The following NCAPD3 variants were observed in gnomAD, a reference collection of about 807,000 sequenced individuals.
The protein encoded by NCAPD3 is non-SMC condensin II complex subunit D3.
Under a neutral mutation model 182.9 loss-of-function variants are expected in NCAPD3, and 105 were observed. That is an observed-to-expected ratio of 0.57 (90% CI 0.49 to 0.68). The LOEUF (loss-of-function observed/expected upper bound fraction) is 0.68, where lower values mean the gene tolerates loss of function less well. Ranked by LOEUF, NCAPD3 falls within the 30% of genes least tolerant of loss-of-function variation. The pLI is 0.00. For synonymous variants in NCAPD3, 815 were observed against 679.9 expected (o/e 1.20, Z -3.09); for missense variants, 1,944 against 1,837.0 (o/e 1.06, Z -1.07).
chr11:134,205,668 C>T (rs992200936), intron 8 of NCAPD3, among the ~76,000 whole-genome samples: 11 of 152,142 alleles, frequency 7.2e-5, no homozygotes, highest in African/African-American at 1.4e-4. Context: ...TGTGCCACCG[C>T]GCCCCGCCTC....
chr11:134,187,022 A>T (rs1410687993), intron 16 of NCAPD3, among the ~76,000 whole-genome samples: 1 of 152,198 alleles, frequency 6.6e-6, no homozygotes, highest in African/African-American at 2.4e-5. Flanking sequence ...ATTGGGAAAA[A>T]ATCCTCTGAA....
intron 27 of NCAPD3, 40 bp downstream of exon 27, chr11:134,167,953 ACTC>A (rs1031087327): frequency 6.3e-7 from 1 of 1,579,456 alleles, no homozygotes; most frequent in African/African-American, 1.4e-5. Context: ...GGAGCAGCAC[ACTC>A]ACTTGTGAGA....
At chr11:134,184,844 C>CACAT in intron 18 of NCAPD3, 59 bp downstream of exon 18, 1 of 1,318,094 alleles carries the variant, frequency 7.6e-7, no homozygotes, top group Non-Finnish European at 1.1e-6. Flanking sequence ...CACACACACA[C>CACAT]ACACACCTGA....
intron 24 of NCAPD3, among the ~76,000 whole-genome samples, chr11:134,172,473 C>G (rs1016568980): frequency 1.3e-5 from 2 of 152,188 alleles, no homozygotes; most frequent in Non-Finnish European, 2.9e-5. Flanking sequence ...TAGTCGCGTG[C>G]TTGCTTCCTT....
At chr11:134,160,671 C>T (rs764601441) in intron 28 of NCAPD3, among the ~76,000 whole-genome samples, 9 of 152,136 alleles carry the variant, frequency 5.9e-5, no homozygotes, top group Non-Finnish European at 1.2e-4. Flanking sequence ...AGGGGCAAGA[C>T]CACTTTGCTA....
chr11:134,215,314 T>G lies in NCAPD3; in HGVS notation c.382+1622A>C, dbSNP rs570616950. Among the ~76,000 whole-genome samples the G allele has an allele frequency of 2.6e-5, 4 of 151,714 alleles. No individual in the cohort carries two copies. The East Asian group carries it at 7.8e-4, about 29-fold the overall frequency. ...CTTCTATTCAACACTGTACTGGAGG[T>G]TCTAGCCAGGGCAAATAGGTAAGAA... On this transcript the variant is annotated intron_variant, in intron 3 of 34. Coordinates refer to ENST00000534548, the MANE Select transcript of NCAPD3 (RefSeq NM_015261.3).
At chr11:134,187,084 TC>T (rs1478879699) in intron 16 of NCAPD3, among the ~76,000 whole-genome samples, 1 of 152,036 alleles carries the variant, frequency 6.6e-6, no homozygotes, top group Non-Finnish European at 1.5e-5. Context: ...AGCCCTCCAC[TC>T]CCAGCCAGCC....
At position 134,181,135 on chromosome 11, in the gene NCAPD3, C is replaced by T. The variant is rs748105038; in HGVS notation, c.2501G>A (p.Arg834His). Reference protein sequence around the residue: ...CGDVLSTCEHRLSNIVLKENG... With the variant: ...CGDVLSTCEHHLSNIVLKENG... ...CTCCTTGAGAACGATGTTGGAGAGG[C>T]GGTGCTCGCAGGTGGAGAGTACATC... The change falls in exon 20 of 35, where the codon CGC becomes CAC. Residue 834 changes from arginine (R) to histidine (H), a missense_variant. By Grantham distance (29) the Arg-to-His change is conservative (BLOSUM62 0). Transcript: ENST00000534548. 26 of 1,614,010 alleles carry T rather than the reference C, an allele frequency of 1.6e-5. No individual in the cohort carries two copies. The highest frequency in any genetic ancestry group is 1.3e-4 in the South Asian group (12 of 91,082).
chr11:134,165,347 C>A (rs1006702131), intron 27 of NCAPD3, among the ~76,000 whole-genome samples: 1 of 149,108 alleles, frequency 6.7e-6, no homozygotes, highest in East Asian at 2.0e-4. Context: ...GGGGCACACT[C>A]ATGAGCTTGG....
At chr11:134,208,651 C>T (rs1453133119) in intron 7 of NCAPD3, among the ~76,000 whole-genome samples, 1 of 152,152 alleles carries the variant, frequency 6.6e-6, no homozygotes, top group Non-Finnish European at 1.5e-5. Context: ...TAATTTGCTG[C>T]AGCCACCAAG....
intron 4 of NCAPD3, 113 bp downstream of exon 4, chr11:134,210,157 G>T: frequency 2.3e-6 from 2 of 858,928 alleles, no homozygotes; most frequent in South Asian, 1.7e-5. Flanking sequence ...TGATGGTTTA[G>T]GACCATTTGC....
At chr11:134,161,145 G>C (rs1943566553) in intron 28 of NCAPD3, among the ~76,000 whole-genome samples, 1 of 151,968 alleles carries the variant, frequency 6.6e-6, no homozygotes, top group African/African-American at 2.4e-5. Context: ...TTTTGAGGAA[G>C]AAAAACACAT....
chr11:134,188,893 G>A (rs1169477520), intron 16 of NCAPD3, among the ~76,000 whole-genome samples: 2 of 152,200 alleles, frequency 1.3e-5, no homozygotes, highest in East Asian at 3.9e-4. Flanking sequence ...CACCAGGGAT[G>A]TGCATGAGGT....
chr11:134,194,986 GAATT>G (rs1458436756), intron 13 of NCAPD3, among the ~76,000 whole-genome samples: 3 of 152,148 alleles, frequency 2.0e-5, no homozygotes, highest in Non-Finnish European at 4.4e-5. Context: ...AATTGTGAAT[GAATT>G]ATTTATCTCT....
intron 22 of NCAPD3, 46 bp from the exon 23 acceptor site, chr11:134,177,503 AAT>A: frequency 2.0e-6 from 3 of 1,538,258 alleles, no homozygotes; most frequent in Non-Finnish European, 2.7e-6. Flanking sequence ...TCTAAATCCT[AAT>A]TCCATTCCTA....
At position 134,208,876 on chromosome 11, in the gene NCAPD3, T is replaced by TCC; in HGVS notation, c.868_869dup (p.Gly292LysfsTer16). 6.2e-7 allele frequency: 1 copy of TCC among 1,612,460 alleles called. No individual in the cohort carries two copies. The highest frequency in any genetic ancestry group is 8.5e-7 in the Non-Finnish European group (1 of 1,179,142). ...TCATCTCCTTTACCTTATCTCCTTC[T>TCC]CCATGAATGGGAGAGCACAGCAAAT... On this transcript the variant is annotated frameshift_variant, in exon 7 of 35. Transcript: ENST00000534548. LOFTEE classifies it high-confidence loss of function.
intron 21 of NCAPD3, 26 bp from the exon 22 acceptor site, chr11:134,178,767 C>G (rs766471601): frequency 6.2e-7 from 1 of 1,607,962 alleles, no homozygotes; most frequent in African/African-American, 1.3e-5. Flanking sequence ...AGAAAGTTAC[C>G]GACAGAACCT....
Position 134,194,742 on chromosome 11 carries a change from T to C in NCAPD3, c.1616-4A>G, listed in dbSNP as rs777823336. On this transcript the variant is annotated splice_polypyrimidine_tract_variant and splice_region_variant and intron_variant, in intron 13 of 34. Transcript: ENST00000534548. ...AGCATTGCCATGACACATCTTTCTGTAGAGGGAATACCAAAGGGTCATCAC... is the reference window on the plus strand; with the variant it reads ...AGCATTGCCATGACACATCTTTCTGCAGAGGGAATACCAAAGGGTCATCAC... 4 of 1,595,424 alleles carry C rather than the reference T, an allele frequency of 2.5e-6. No individual in the cohort carries two copies. The highest frequency in any genetic ancestry group is 2.3e-5 in the East Asian group (1 of 43,734).
chr11:134,165,223 G>C (rs574744622), intron 27 of NCAPD3, among the ~76,000 whole-genome samples: 1 of 150,244 alleles, frequency 6.7e-6, no homozygotes, highest in Non-Finnish European at 1.5e-5. Context: ...TGTGAGATGA[G>C]CTTAGGGGAG....
Sources: gnomAD v4.1 joint callset for allele counts (sites outside exome capture counted in the v4.1 genomes callset) on GRCh38, gnomAD v4.1.1 for gene constraint, MANE v1.5 for transcripts, NCBI Gene and HGNC (gene_info 2026-07-23, HGNC 2026-07-21) for gene names.